The following MUC5B variants were observed in gnomAD, a reference collection of about 807,000 sequenced individuals.
MUC5B encodes mucin-5B.
Under a neutral mutation model 376.9 loss-of-function variants are expected in MUC5B, and 116 were observed. That is an observed-to-expected ratio of 0.31 (90% CI 0.26 to 0.36). The LOEUF (loss-of-function observed/expected upper bound fraction) is 0.36. MUC5B is among the 10% of genes least tolerant of loss of function. The pLI, the probability that MUC5B is intolerant of heterozygous loss-of-function variation, is 1.00. For synonymous variants in MUC5B, 3,517 were observed against 3,390.9 expected, an observed-to-expected ratio of 1.04 and a Z score of -1.29; for missense variants, 7,165 against 7,769.9, an observed-to-expected ratio of 0.92 and a Z score of 2.93.
rs767234202 is a variant in MUC5B, at chr11:1,241,715, C to A, written c.4835C>A (p.Pro1612Gln). 6.2e-7 allele frequency: 1 copy of A among 1,612,448 alleles called. No individual in the cohort carries two copies. The highest frequency in any genetic ancestry group is 1.1e-5 in the South Asian group (1 of 91,024). The change falls in exon 31 of 49, where the codon CCG becomes CAG. Residue 1612 changes from proline to glutamine, a missense_variant. Physicochemically the swap from Pro to Gln is moderately conservative, Grantham distance 76. This residue lies in a region of MUC5B where 897 missense variants were observed against 779.6 expected (regional missense o/e 1.15). Coordinates refer to ENST00000529681, the MANE Select transcript of MUC5B (RefSeq NM_002458.3). ...AGGGGACGTGCCACAACCCCGCCAC[C>A]GACCACAGAGCTGGAGACGGCCACC... ...HCRGRATTPP[P>Q]TTELETATTT...
chr11:1,243,649 C>T lies in MUC5B; in HGVS notation c.6769C>T (p.Pro2257Ser), dbSNP rs1252300761. 2 of 1,611,280 alleles carry T rather than the reference C, an allele frequency of 1.2e-6. No homozygotes were observed. The highest frequency in any genetic ancestry group is 1.7e-6 in the Non-Finnish European group (2 of 1,179,474). ...HSTPALSSPH[P>S]SSRTTESPPS... ...GACTCCAGCCCTTTCCAGCCCTCAC[C>T]CTAGCAGCAGAACCACCGAGTCACC... is the stretch of plus-strand genomic sequence containing the variant. The change falls in exon 31 of 49, where the codon CCT (proline) becomes TCT (serine). Residue 2257 changes from proline (P) to serine (S), a missense_variant. Physicochemically the swap from Pro to Ser is moderately conservative, Grantham distance 74. Coordinates refer to ENST00000529681, the MANE Select transcript of MUC5B (RefSeq NM_002458.3).
rs1294606208 is a variant in MUC5B at position 1,241,000 on chromosome 11, G to C, written c.4120G>C (p.Val1374Leu). Residue 1374 changes from valine (V) to leucine (L), a missense_variant, in exon 31 of 49, where the codon GTG becomes CTG. Physicochemically the swap from Val to Leu is conservative, Grantham distance 32. This residue lies in a region of MUC5B where 517 missense variants were observed against 545.3 expected (regional missense o/e 0.95). Coordinates refer to ENST00000529681, the MANE Select transcript of MUC5B (RefSeq NM_002458.3). Reference protein sequence around the residue: ...LRQRGYQVCPVLADIECRAAQ... With the variant: ...LRQRGYQVCPLLADIECRAAQ... ...GCAGAGAGGGTACCAGGTATGCCCTGTGCTGGCTGACATCGAGTGCCGGGC... is the reference window on the plus strand; with the variant it reads ...GCAGAGAGGGTACCAGGTATGCCCTCTGCTGGCTGACATCGAGTGCCGGGC... 3.1e-6 allele frequency: 5 copies of C among 1,613,210 alleles called. No homozygotes were observed. The highest frequency in any genetic ancestry group is 1.3e-5 in the African/African-American group (1 of 74,946).
chr11:1,224,612 G>C (rs1028246673), intron 1 of MUC5B, among the ~76,000 whole-genome samples: 1 of 151,176 alleles, frequency 6.6e-6, no homozygotes, highest in Non-Finnish European at 1.5e-5. Context: ...TGCCTGCGGC[G>C]GGAGCCGGGG....
chr11:1,261,471 C>T lies in MUC5B; in HGVS notation c.17152C>T (p.His5718Tyr). 6.4e-7 allele frequency: 1 copy of T among 1,563,704 alleles called. No individual in the cohort carries two copies. Among genetic ancestry groups the T allele is most frequent in the East Asian group, 2.4e-5 (1 of 41,772 alleles). ...RRVHEETVPL[H>Y]CPNGSAILHT... ...GGTCCACGAGGAGACGGTGCCCTTG[C>T]ACTGTCCTAACGGCTCAGCCATCCT... The change falls in exon 49 of 49, where the codon CAC (histidine) becomes TAC (tyrosine). Residue 5718 changes from histidine (H) to tyrosine (Y), a missense_variant. By Grantham distance (83) the His-to-Tyr change is moderately conservative. Coordinates refer to ENST00000529681, the MANE Select transcript of MUC5B (RefSeq NM_002458.3).
At chr11:1,223,225 G>T (rs1274434336) in intron 1 of MUC5B, 32 bp downstream of exon 1, 1 of 708,190 alleles carries the variant, frequency 1.4e-6, no homozygotes, top group Non-Finnish European at 2.6e-6. Flanking sequence ...CCCTCTCGAT[G>T]CTGTCTTCAC....
In MUC5B at chr11:1,251,574, C is replaced by T. The variant is rs1174145247; in HGVS notation, c.14694C>T (p.Ser4898=). The change falls in exon 31 of 49, where the codon TCC becomes TCT. Residue 4898 remains serine (S), a synonymous_variant. Coordinates refer to ENST00000529681, the MANE Select transcript of MUC5B (RefSeq NM_002458.3). ...CTGCCTCCACGGTTCCCAGCTCGTC[C>T]ACCGTGGGGACCACCCGCACCCCTG... The part of the protein sequence containing the change: ...TATASTVPSS[S]TVGTTRTPAV... 3.7e-6 allele frequency: 6 copies of T among 1,612,900 alleles called. No homozygotes were observed. The highest frequency in any genetic ancestry group is 1.7e-5 in the Admixed American group (1 of 60,008).
rs1335048334 is a variant in MUC5B at position 1,242,816 on chromosome 11, G to A, written c.5936G>A (p.Ser1979Asn). 1 of 1,612,622 alleles carries A rather than the reference G, an allele frequency of 6.2e-7. No homozygotes were observed. The highest frequency in any genetic ancestry group is 1.1e-5 in the South Asian group (1 of 90,996). ...ACAGCCACCACACCCACAGCTACCA[G>A]CGTTACACCCATCCCCTCTTCCTCC... is the stretch of plus-strand genomic sequence containing the variant. ...RSTATTPTAT[S>N]VTPIPSSSLG... The change falls in exon 31 of 49, where the codon AGC becomes AAC. Residue 1979 changes from serine (S) to asparagine (N), a missense_variant. Around this residue, in one of 31 missense-constraint regions of MUC5B, gnomAD observed 897 missense variants for 779.6 expected, o/e 1.15. Coordinates refer to ENST00000529681, the MANE Select transcript of MUC5B (RefSeq NM_002458.3).
Position 1,234,374 on chromosome 11 carries a change from G to A in MUC5B, c.2478+69G>A, listed in dbSNP as rs1041109249. 1.3e-6 allele frequency: 2 copies of A among 1,517,528 alleles called. No homozygotes were observed. The allele number at this position is 1,517,528 out of a possible 1,614,324, so 94.0% of individuals were successfully genotyped here. On this transcript the variant is annotated intron_variant, in intron 20 of 48. Coordinates refer to ENST00000529681, the MANE Select transcript of MUC5B (RefSeq NM_002458.3). The surrounding 1 kb of genome is among the most constrained non-coding windows in gnomAD (Gnocchi z 6.3). ...CAGCTTTCCCAGCTCCCGAGCCCAGGGATCTGGTGGTCCTGGAGACACTTA... is the reference window on the plus strand; with the variant it reads ...CAGCTTTCCCAGCTCCCGAGCCCAGAGATCTGGTGGTCCTGGAGACACTTA...
rs11605239 is a variant in MUC5B, at chr11:1,230,589, G to A, written c.1459G>A (p.Gly487Ser). 1,178 of 1,608,610 alleles carry A rather than the reference G, an allele frequency of 7.3e-4. 6 individuals are homozygous for A. The highest frequency in any genetic ancestry group is 1.8e-3 in the South Asian group (165 of 90,582). ...GAAAGCGGTGACGCTCAGCCTGGAC[G>A]GCGGGGACACGGTGAGGACCTGGCT... Reference protein sequence around the residue: ...CLKAVTLSLDGGDTAIRVQAD... With the variant: ...CLKAVTLSLDSGDTAIRVQAD... Residue 487 changes from glycine to serine, a missense_variant, in exon 12 of 49, where the codon GGC becomes AGC. This residue lies in a region of MUC5B where 640 missense variants were observed against 733.0 expected (regional missense o/e 0.87). Coordinates refer to ENST00000529681, the MANE Select transcript of MUC5B (RefSeq NM_002458.3).
At position 1,227,023 on chromosome 11, in the gene MUC5B, C is replaced by T; in HGVS notation, c.462-8C>T. The stretch of plus-strand genomic sequence containing the variant: ...GGGGCCCAGGGAGAGACCCCGCTGT[C>T]TGCGCAGGGAGGAGCTGCCTTACAG... On this transcript the variant is annotated splice_polypyrimidine_tract_variant and splice_region_variant and intron_variant, in intron 4 of 48. Coordinates refer to ENST00000529681, the MANE Select transcript of MUC5B (RefSeq NM_002458.3). 1 of 1,603,464 alleles carries T rather than the reference C, an allele frequency of 6.2e-7. No homozygotes were observed. The highest frequency in any genetic ancestry group is 8.5e-7 in the Non-Finnish European group (1 of 1,174,200).
Position 1,253,068 on chromosome 11 carries a change from G to A in MUC5B, c.15217+88G>A. The A allele has an allele frequency of 2.7e-6, 4 of 1,477,752 alleles. No individual in the cohort carries two copies. Among genetic ancestry groups the A allele is most frequent in the Non-Finnish European group, 3.7e-6 (4 of 1,081,280 alleles). The allele number at this position is 1,477,752 out of a possible 1,614,324, so 91.5% of individuals were successfully genotyped here. A position where few individuals can be genotyped will look rare whatever the true frequency, so the allele number is the denominator to read the frequency against. ...TAGGCTGGCAGAATGGGGCATGGTG[G>A]GGCACAGTGGGGTGCAGTGGGGAAT... On this transcript the variant is annotated intron_variant, in intron 33 of 48. Coordinates refer to ENST00000529681, the MANE Select transcript of MUC5B (RefSeq NM_002458.3). The surrounding 1 kb of genome is among the most constrained non-coding windows in gnomAD (Gnocchi z 4.3).
At chr11:1,237,404 C>T (rs908347464) in intron 25 of MUC5B, among the ~76,000 whole-genome samples, 1 of 152,224 alleles carries the variant, frequency 6.6e-6, no homozygotes, top group Non-Finnish European at 1.5e-5. Context: ...TGACCACAGC[C>T]TCAGTCACAC....
rs763167973 is a variant in MUC5B, at chr11:1,242,277, A to C, written c.5397A>C (p.Pro1799=). 1.9e-6 allele frequency: 3 copies of C among 1,613,834 alleles called. No homozygotes were observed. The highest frequency in any genetic ancestry group is 2.2e-5 in the South Asian group (2 of 91,078). ...CAGAGTGGTTTGACGTGGACTTCCC[A>C]ACCTCAGGGGTTGCAGGCGGGGACA... ...EWTEWFDVDF[P]TSGVAGGDME... The change falls in exon 31 of 49, where the codon CCA becomes CCC. Residue 1799 remains proline (P), a synonymous_variant. Transcript: ENST00000529681.
chr11:1,256,325 A>C (rs1401249283), intron 38 of MUC5B, 100 bp downstream of exon 38: 3 of 673,908 alleles, frequency 4.5e-6, no homozygotes, highest in Non-Finnish European at 8.2e-6. Context: ...TGTGGGCCAC[A>C]GATCTCTGGG....
Position 1,234,599 on chromosome 11 carries a change from T to C in MUC5B, c.2549T>C (p.Ile850Thr), listed in dbSNP as rs531176232. 5.1e-5 allele frequency: 80 copies of C among 1,570,914 alleles called. 1 individual carries two copies. The South Asian group carries it at 6.4e-4, about 13-fold the overall frequency. Residue 850 changes from isoleucine to threonine, a missense_variant, in exon 21 of 49, where the codon ATT becomes ACT. Ile to Thr is a moderately conservative substitution (Grantham distance 89). Coordinates refer to ENST00000529681, the MANE Select transcript of MUC5B (RefSeq NM_002458.3). This position sits in a 1 kb window ranked among gnomAD's most constrained non-coding sequence, Gnocchi z 6.3. ...GLVSDGSGGC[I>T]AEEDCPCVHN... ...GTGTCGGATGGGAGTGGGGGCTGCA[T>C]TGCCGAGGAGGACTGCCCCTGTGTG...
At chr11:1,226,118 G>A (rs1861873768) in intron 2 of MUC5B, 87 bp from the exon 3 acceptor site, 3 of 1,350,294 alleles carry the variant, frequency 2.2e-6, no homozygotes, top group Non-Finnish European at 3.0e-6. Context: ...CAACTCTGGT[G>A]GCTGGCGAGG....
rs752689105 is a variant in MUC5B at position 1,223,154 on chromosome 11, G to A, written c.31G>A (p.Val11Met). 123 of 709,498 alleles carry A rather than the reference G, an allele frequency of 1.7e-4. No individual in the cohort carries two copies. Among genetic ancestry groups the A allele is most frequent in the Non-Finnish European group, 3.1e-4 (118 of 384,608 alleles). The allele number at this position is 709,498 out of a possible 1,614,324, so 44.0% of individuals were successfully genotyped here. A position where few individuals can be genotyped will look rare whatever the true frequency, so the allele number is the denominator to read the frequency against. The change falls in exon 1 of 49, where the codon GTG (valine) becomes ATG (methionine). Residue 11 changes from valine (V) to methionine (M), a missense_variant. This residue lies in a region of MUC5B where 640 missense variants were observed against 733.0 expected (regional missense o/e 0.87). Coordinates refer to ENST00000529681, the MANE Select transcript of MUC5B (RefSeq NM_002458.3). MGAPSACRTLVLALAAMLVVP... is the reference protein window; with the variant it reads MGAPSACRTLMLALAAMLVVP... ...TGCCCCGAGCGCGTGCCGGACGCTG[G>A]TGTTGGCTCTGGCGGCCATGCTCGT...
rs1240460125 is a variant in MUC5B, at chr11:1,230,217, G to T, written c.1359+74G>T. 4 of 1,512,732 alleles carry T rather than the reference G, an allele frequency of 2.6e-6. No individual in the cohort carries two copies. The African/African-American group carries it at 4.2e-5, about 16-fold the overall frequency. 93.7% of individuals were successfully genotyped at this position (1,512,732 alleles called of 1,614,324 possible). On this transcript the variant is annotated intron_variant, in intron 11 of 48. Transcript: ENST00000529681. ...CTCATGCCACTTCCACCCAGGGGAG[G>T]CCCCCACGATGGTCATAGAGGGGTG...
chr11:1,260,598 G>A lies in MUC5B; in HGVS notation c.16967-28G>A, dbSNP rs772132166. 2.5e-6 allele frequency: 4 copies of A among 1,587,210 alleles called. No individual in the cohort carries two copies. The South Asian group carries it at 3.3e-5, about 13-fold the overall frequency. ...GCCCTCAGAGTGAGGGTCCAGTGGG[G>A]CTCCACATCTGCCTTTCCTCCTCCC... is the stretch of plus-strand genomic sequence containing the variant. On this transcript the variant is annotated intron_variant, in intron 47 of 48. Transcript: ENST00000529681.
Sources: allele counts gnomAD v4.1 joint callset (sites outside exome capture counted in the v4.1 genomes callset), GRCh38; gene constraint gnomAD v4.1.1; regional missense constraint gnomAD v4.1.1; non-coding constraint Gnocchi (gnomAD v3.1); transcripts MANE v1.5; gene names NCBI Gene and HGNC (gene_info 2026-07-23, HGNC 2026-07-21).